SNAP91: variants seen among roughly 807,000 people sequenced by gnomAD.
The protein encoded by SNAP91 is synaptosome associated protein 91, also known as clathrin coat assembly protein AP180.
SNAP91 carries 27 observed loss-of-function variants against 100.3 expected under a neutral mutation model. The ratio of observed to expected loss-of-function variants is 0.27; its 90% CI spans 0.20 to 0.37. The LOEUF (loss-of-function observed/expected upper bound fraction) is 0.37, where lower values mean the gene tolerates loss of function less well. Among genes scored for constraint, SNAP91 ranks in the 10% least tolerant of loss-of-function variants. SNAP91 has a pLI of 1.00. For synonymous variants in SNAP91, 404 were observed against 398.6 expected, an observed-to-expected ratio of 1.01 and a Z score of -0.16; for missense variants, 986 against 1,123.7, an observed-to-expected ratio of 0.88 and a Z score of 1.75.
intron 14 of SNAP91, among the ~76,000 whole-genome samples, chr6:83,604,836 C>T (rs78353247): frequency 0.058 from 8,843 of 152,094 alleles, 854 homozygotes; most frequent in African/African-American, 0.2. Context: ...TACTCAGTTC[C>T]TCAAAATGTT....
At chr6:83,688,499 C>T (rs376179000) in intron 2 of SNAP91, among the ~76,000 whole-genome samples, 1 of 148,888 alleles carries the variant, frequency 6.7e-6, no homozygotes, top group Non-Finnish European at 1.5e-5. Flanking sequence ...CTCAGCCAAA[C>T]ATCACTTTTT....
chr6:83,623,150 G>T lies in SNAP91; in HGVS notation c.807+151C>A, dbSNP rs12191263. 5.0e-3 allele frequency: 2,837 copies of T among 569,584 alleles called. 8 individuals are homozygous for T. Among genetic ancestry groups the T allele is most frequent in the Non-Finnish European group, 6.8e-3 (2,171 of 319,712 alleles). 35.3% of individuals were successfully genotyped at this position (569,584 alleles called of 1,614,324 possible). A position where few individuals can be genotyped will look rare whatever the true frequency, so the allele number is the denominator to read the frequency against. ...CCTCCAGAAATATATTCAATGGCTA[G>T]AAACAATAAATAAGGTAGAATAATT... On this transcript the variant is annotated intron_variant, in intron 9 of 29. Coordinates refer to ENST00000369694, the MANE Select transcript of SNAP91 (RefSeq NM_001242792.2).
intron 8 of SNAP91, among the ~76,000 whole-genome samples, chr6:83,630,933 ACTGT>A (rs2097181699): frequency 6.6e-6 from 1 of 151,544 alleles, no homozygotes; most frequent in South Asian, 2.1e-4. Flanking sequence ...GTGACCTTAG[ACTGT>A]CTGTTTGTGT....
chr6:83,606,692 C>CT (rs969131578), intron 13 of SNAP91, among the ~76,000 whole-genome samples: 19 of 152,094 alleles, frequency 1.2e-4, no homozygotes, highest in African/African-American at 4.6e-4. Flanking sequence ...TCATCTTTAT[C>CT]TTTTTTTACA....
chr6:83,607,636 A>C (rs529206454), intron 13 of SNAP91, 63 bp downstream of exon 13: 1 of 1,130,284 alleles, frequency 8.8e-7, no homozygotes, highest in Non-Finnish European at 1.3e-6. Flanking sequence ...TACAGCACAT[A>C]AAAATAAAAC....
At chr6:83,641,453 G>T (rs1585173851) in intron 7 of SNAP91, among the ~76,000 whole-genome samples, 1 of 152,216 alleles carries the variant, frequency 6.6e-6, no homozygotes. Flanking sequence ...TAAAGTAGAA[G>T]AATATATGAA....
chr6:83,585,047 C>CA (rs1386057374), intron 22 of SNAP91, among the ~76,000 whole-genome samples: 1 of 151,914 alleles, frequency 6.6e-6, no homozygotes, highest in African/African-American at 2.4e-5. Context: ...CTGATTATCT[C>CA]AAAAAAATAA....
At chr6:83,658,263 C>A (rs981048202) in intron 6 of SNAP91, among the ~76,000 whole-genome samples, 3 of 152,110 alleles carry the variant, frequency 2.0e-5, no homozygotes, top group Non-Finnish European at 4.4e-5. Context: ...ACTAATTTAT[C>A]TAAGATTAAA....
At chr6:83,569,168 G>C (rs545453511) in intron 26 of SNAP91, among the ~76,000 whole-genome samples, 1 of 152,248 alleles carries the variant, frequency 6.6e-6, no homozygotes. Flanking sequence ...GTATATTGTG[G>C]TGTAAAATGC....
At chr6:83,648,555 G>C (rs112246111) in intron 7 of SNAP91, among the ~76,000 whole-genome samples, 635 of 151,874 alleles carry the variant, frequency 4.2e-3, no homozygotes, top group African/African-American at 0.014. Context: ...ATCATTTGAC[G>C]TTTTACCATT....
At chr6:83,598,628 T>C (rs996913536) in intron 16 of SNAP91, among the ~76,000 whole-genome samples, 9 of 152,176 alleles carry the variant, frequency 5.9e-5, no homozygotes, top group African/African-American at 2.2e-4. Context: ...GTTGTAAAGT[T>C]ATGCTGTGTT....
At chr6:83,706,235 T>C (rs372670822) in intron 2 of SNAP91, among the ~76,000 whole-genome samples, 8 of 152,224 alleles carry the variant, frequency 5.3e-5, no homozygotes, top group African/African-American at 1.7e-4. Context: ...TCATAACCTA[T>C]ACCTTTCTTA....
At chr6:83,621,600 T>A (rs1486148005) in intron 9 of SNAP91, among the ~76,000 whole-genome samples, 1 of 152,152 alleles carries the variant, frequency 6.6e-6, no homozygotes, top group Admixed American at 6.5e-5. Flanking sequence ...TATAATAGTA[T>A]CATTAAAAAT....
At chr6:83,613,663 C>A (rs1434394578) in intron 11 of SNAP91, among the ~76,000 whole-genome samples, 6 of 152,184 alleles carry the variant, frequency 3.9e-5, no homozygotes, top group Admixed American at 6.5e-5. Context: ...CCCCTCAGAG[C>A]CTATGCTCAG....
intron 5 of SNAP91, among the ~76,000 whole-genome samples, chr6:83,660,436 TC>T (rs1224569234): frequency 1.3e-5 from 2 of 152,220 alleles, no homozygotes; most frequent in Non-Finnish European, 1.5e-5. Context: ...TAAAGTTACA[TC>T]TTTTTGTGTG....
At chr6:83,661,468 T>C in intron 5 of SNAP91, 34 bp downstream of exon 5, 1 of 1,315,926 alleles carries the variant, frequency 7.6e-7, no homozygotes, top group Non-Finnish European at 1.1e-6. Context: ...AGACTTATTC[T>C]CCTCTAATAA....
chr6:83,578,096 T>A lies in SNAP91; in HGVS notation c.2300-2043A>T, dbSNP rs578186245. ...AAGAATATTTCATTATGTAGATATA[T>A]CATTTTTTTTTATCCATTCATCAAG... On this transcript the variant is annotated intron_variant, in intron 24 of 29. Transcript: ENST00000369694. Among the ~76,000 whole-genome samples the A allele has an allele frequency of 2.6e-5, 4 of 152,264 alleles. 1 individual carries two copies. The South Asian group carries it at 8.3e-4, about 32-fold the overall frequency.
At chr6:83,561,557 A>G (rs1399197227) in intron 26 of SNAP91, among the ~76,000 whole-genome samples, 1 of 152,178 alleles carries the variant, frequency 6.6e-6, no homozygotes, top group Non-Finnish European at 1.5e-5. Context: ...TGCTCATAAC[A>G]TTGGGCTTCC....
chr6:83,697,704 T>C (rs899493329), intron 2 of SNAP91, among the ~76,000 whole-genome samples: 2 of 152,196 alleles, frequency 1.3e-5, no homozygotes, highest in African/African-American at 4.8e-5. Flanking sequence ...ATTGCTTTTA[T>C]AGTCTTTTGA....
Sources: gnomAD v4.1 joint callset for allele counts (sites outside exome capture counted in the v4.1 genomes callset) on GRCh38, gnomAD v4.1.1 for gene constraint, MANE v1.5 for transcripts, NCBI Gene and HGNC (gene_info 2026-07-23, HGNC 2026-07-21) for gene names.